The following ANKRD44 variants were observed in gnomAD, a reference collection of about 807,000 sequenced individuals.
The protein encoded by ANKRD44 is ankyrin repeat domain 44, also known as serine/threonine-protein phosphatase 6 regulatory ankyrin repeat subunit B.
Under a neutral mutation model 116.0 loss-of-function variants are expected in ANKRD44, and 35 were observed. The ratio of observed to expected loss-of-function variants is 0.30; its 90% CI spans 0.23 to 0.40. The LOEUF (loss-of-function observed/expected upper bound fraction) is 0.40, where lower values mean the gene tolerates loss of function less well. ANKRD44 is among the 10% of genes least tolerant of loss of function. ANKRD44 has a pLI of 1.00. For missense variants in ANKRD44, 1,014 were observed against 1,242.6 expected, an observed-to-expected ratio of 0.82 and a Z score of 2.77; for synonymous variants, 435 against 461.8, an observed-to-expected ratio of 0.94 and a Z score of 0.74.
intron 1 of ANKRD44, among the ~76,000 whole-genome samples, chr2:197,297,288 AAAAC>A (rs1243623915): frequency 3.9e-5 from 6 of 152,326 alleles, no homozygotes; most frequent in Admixed American, 1.3e-4. Flanking sequence ...ATACAAAAAT[AAAAC>A]AAACAAACTC....
intron 17 of ANKRD44, 150 bp from the exon 18 acceptor site, chr2:197,013,862 A>C: frequency 2.9e-6 from 2 of 698,932 alleles, no homozygotes; most frequent in South Asian, 1.8e-5. Flanking sequence ...ATTAAAACTC[A>C]GGCAAGCTGG....
chr2:197,302,324 G>A (rs1274075150), intron 1 of ANKRD44: 1 of 152,236 alleles, frequency 6.6e-6, no homozygotes, highest in Non-Finnish European at 1.5e-5. Context: ...CAGGGGCCAA[G>A]GTCAGACGGA....
intron 21 of ANKRD44, among the ~76,000 whole-genome samples, chr2:197,003,727 C>G (rs926400925): frequency 2.6e-5 from 4 of 152,024 alleles, no homozygotes; most frequent in Non-Finnish European, 4.4e-5. Flanking sequence ...GGTTTGCGGC[C>G]CGCCATTATA....
chr2:197,093,578 A>G (rs2078095647), intron 10 of ANKRD44, among the ~76,000 whole-genome samples: 1 of 152,238 alleles, frequency 6.6e-6, no homozygotes, highest in Non-Finnish European at 1.5e-5. Context: ...CTCAAATACT[A>G]TTGGCATTTG....
chr2:197,097,888 G>A (rs1290587801), intron 10 of ANKRD44, among the ~76,000 whole-genome samples: 2 of 152,142 alleles, frequency 1.3e-5, no homozygotes, highest in East Asian at 3.8e-4. Context: ...TTGAGATGTG[G>A]CTCTTCCAGC....
At chr2:197,092,592 A>G (rs10205395) in intron 10 of ANKRD44, among the ~76,000 whole-genome samples, 93,339 of 152,116 alleles carry the variant, frequency 0.61, 31,693 homozygotes, top group East Asian at 0.85. Flanking sequence ...CTTTCCCTAT[A>G]TGGAGATTCC....
intron 17 of ANKRD44, among the ~76,000 whole-genome samples, chr2:197,014,003 T>C (rs2076343781): frequency 6.6e-6 from 1 of 152,266 alleles, no homozygotes; most frequent in African/African-American, 2.4e-5. Context: ...TTATATCTAC[T>C]GATCTAATCA....
intron 16 of ANKRD44, among the ~76,000 whole-genome samples, chr2:197,030,840 C>T (rs978466538): frequency 6.6e-6 from 1 of 151,646 alleles, no homozygotes; most frequent in Non-Finnish European, 1.5e-5. Flanking sequence ...TTGTTTTTTA[C>T]TTATTATTTT....
At chr2:197,215,659 G>A (rs1331565994) in intron 1 of ANKRD44, among the ~76,000 whole-genome samples, 1 of 152,052 alleles carries the variant, frequency 6.6e-6, no homozygotes, top group East Asian at 1.9e-4. Context: ...GATCGACCGA[G>A]TATCTGAAAA....
intron 1 of ANKRD44, among the ~76,000 whole-genome samples, chr2:197,210,755 T>C (rs1431963696): frequency 3.9e-5 from 6 of 152,144 alleles, no homozygotes; most frequent in Non-Finnish European, 2.9e-5. Flanking sequence ...TCAGATATCA[T>C]TCCTCCCTTA....
intron 16 of ANKRD44, among the ~76,000 whole-genome samples, chr2:197,026,967 G>T (rs907169830): frequency 1.3e-5 from 2 of 152,012 alleles, no homozygotes; most frequent in South Asian, 4.2e-4. Flanking sequence ...AAGGTACCAT[G>T]ACCTGAGATG....
intron 1 of ANKRD44, among the ~76,000 whole-genome samples, chr2:197,210,002 C>T (rs1177861465): frequency 6.6e-6 from 1 of 152,166 alleles, no homozygotes; most frequent in Non-Finnish European, 1.5e-5. Flanking sequence ...GGAATCCACT[C>T]CTACTACCTA....
chr2:197,026,678 A>C (rs950132153), intron 16 of ANKRD44, among the ~76,000 whole-genome samples: 1 of 152,158 alleles, frequency 6.6e-6, no homozygotes, highest in African/African-American at 2.4e-5. Flanking sequence ...GTGGAAATTC[A>C]GTGGAGTGTT....
At position 196,990,736 on chromosome 2, in the gene ANKRD44, T is replaced by C. The variant is rs1397979397; in HGVS notation, c.2924-1087A>G. On this transcript the variant is annotated intron_variant, in intron 27 of 27. Coordinates refer to ENST00000282272, the MANE Select transcript of ANKRD44 (RefSeq NM_001195144.2). ...TTGTACCCATCCTCCGAGCCTACGTTGTTACTGCACAGGCTAACCATGCTA... is the reference window on the plus strand; with the variant it reads ...TTGTACCCATCCTCCGAGCCTACGTCGTTACTGCACAGGCTAACCATGCTA... 3.2e-6 allele frequency: 4 copies of C among 1,232,066 alleles called. No homozygotes were observed. In the African/African-American group the frequency reaches 6.2e-5, roughly 19 times the overall value. 76.3% of individuals were successfully genotyped at this position (1,232,066 alleles called of 1,614,324 possible).
At position 197,180,454 on chromosome 2, in the gene ANKRD44, T is replaced by A. The variant is rs376179729; in HGVS notation, c.111+6569A>T. Among the ~76,000 whole-genome samples, 61 of 152,318 alleles carry A rather than the reference T, an allele frequency of 4.0e-4. No individual in the cohort carries two copies. The East Asian group carries it at 0.012, about 29-fold the overall frequency. ...TTCATCACTCGTGATCACTGTGCAC[T>A]TCTATCATTTATGGGACCTGAGTGT... On this transcript the variant is annotated intron_variant, in intron 2 of 27. Transcript: ENST00000282272.
At chr2:197,196,774 A>C (rs949965531) in intron 1 of ANKRD44, among the ~76,000 whole-genome samples, 1 of 152,186 alleles carries the variant, frequency 6.6e-6, no homozygotes, top group Admixed American at 6.5e-5. Context: ...ATTTTTACAC[A>C]ATCAGGTCTT....
At chr2:197,192,872 T>G (rs2080857548) in intron 1 of ANKRD44, among the ~76,000 whole-genome samples, 1 of 152,192 alleles carries the variant, frequency 6.6e-6, no homozygotes, top group Admixed American at 6.5e-5. Flanking sequence ...AAAAATATAC[T>G]GAGTCCTTAT....
At chr2:196,974,261 T>A (rs1421326239) in intron 21 of ANKRD44, among the ~76,000 whole-genome samples, 3 of 152,030 alleles carry the variant, frequency 2.0e-5, no homozygotes, top group African/African-American at 4.8e-5. Flanking sequence ...TTCTGTGTTT[T>A]TTGTAGAGAC....
chr2:197,171,531 A>C (rs1408366743), intron 2 of ANKRD44, among the ~76,000 whole-genome samples: 2 of 152,244 alleles, frequency 1.3e-5, no homozygotes, highest in Admixed American at 6.5e-5. Context: ...TCAGTGAAAC[A>C]GGAGAAGGAA....
Sources: gnomAD v4.1 joint callset for allele counts (sites outside exome capture counted in the v4.1 genomes callset) on GRCh38, gnomAD v4.1.1 for gene constraint, MANE v1.5 for transcripts, NCBI Gene and HGNC (gene_info 2026-07-23, HGNC 2026-07-21) for gene names.